DAAM1: variants seen among roughly 807,000 people sequenced by gnomAD.
DAAM1 encodes the protein dishevelled associated activator of morphogenesis 1.
Under a neutral mutation model 130.0 loss-of-function variants are expected in DAAM1, and 52 were observed. The observed-to-expected ratio is 0.40, with a 90% CI of 0.32 to 0.50. The LOEUF is 0.50. Among genes scored for constraint, DAAM1 ranks in the 20% least tolerant of loss-of-function variants. The pLI, the probability that DAAM1 is intolerant of heterozygous loss-of-function variation, is 0.61. For synonymous variants in DAAM1, 452 were observed against 444.5 expected (o/e 1.02, Z -0.21); for missense variants, 1,134 against 1,303.8 (o/e 0.87, Z 2.01).
intron 2 of DAAM1, chr14:59,265,660 G>C (rs1882401996): frequency 6.6e-6 from 1 of 152,242 alleles, no homozygotes; most frequent in South Asian, 2.1e-4. Flanking sequence ...GTTAATGACT[G>C]TCTCAGTCAT....
intron 1 of DAAM1, among the ~76,000 whole-genome samples, chr14:59,262,360 T>A (rs1026118904): frequency 4.6e-5 from 7 of 152,190 alleles, no homozygotes; most frequent in African/African-American, 1.7e-4. Flanking sequence ...CAGTATCAAC[T>A]GGAAATCTTT....
chr14:59,323,319 G>T (rs2139620128), intron 6 of DAAM1, 94 bp downstream of exon 6: 1 of 1,318,002 alleles, frequency 7.6e-7, no homozygotes, highest in East Asian at 2.5e-5. Flanking sequence ...TGTTACTTGA[G>T]ATGTCCTCTT....
intron 1 of DAAM1, among the ~76,000 whole-genome samples, chr14:59,201,378 C>T (rs1280550579): frequency 6.6e-6 from 1 of 151,994 alleles, no homozygotes; most frequent in East Asian, 1.9e-4. Context: ...ATCCCATTAA[C>T]TTGGGAGGCT....
chr14:59,259,273 CAGTT>C (rs1882056679), intron 1 of DAAM1, among the ~76,000 whole-genome samples: 1 of 152,162 alleles, frequency 6.6e-6, no homozygotes. Context: ...CCTCGATTTA[CAGTT>C]AACTGTTGGC....
chr14:59,347,285 T>C (rs1437236000), intron 16 of DAAM1, among the ~76,000 whole-genome samples: 3 of 149,430 alleles, frequency 2.0e-5, no homozygotes, highest in African/African-American at 7.3e-5. Context: ...TTCCAATCCC[T>C]TGCTTAAGGA....
At chr14:59,202,457 T>G (rs1265793643) in intron 1 of DAAM1, among the ~76,000 whole-genome samples, 2 of 152,260 alleles carry the variant, frequency 1.3e-5, no homozygotes, top group Non-Finnish European at 2.9e-5. Context: ...CTTGGCATTT[T>G]ATGGACTATC....
chr14:59,230,283 G>A (rs573339737), intron 1 of DAAM1, among the ~76,000 whole-genome samples: 59 of 150,298 alleles, frequency 3.9e-4, no homozygotes, highest in South Asian at 2.6e-3. Flanking sequence ...CACTGCAGCC[G>A]AGGGGGGTGA....
chr14:59,258,251 A>G (rs1405311236), intron 1 of DAAM1, among the ~76,000 whole-genome samples: 1 of 152,188 alleles, frequency 6.6e-6, no homozygotes, highest in Non-Finnish European at 1.5e-5. Context: ...TTTATGATGT[A>G]TGGGCTTCTC....
intron 17 of DAAM1, among the ~76,000 whole-genome samples, chr14:59,350,570 C>T (rs550717720): frequency 2.0e-5 from 3 of 152,096 alleles, no homozygotes; most frequent in Non-Finnish European, 2.9e-5. Context: ...AAGCCATCCA[C>T]GCTCACTTTC....
chr14:59,223,385 C>T (rs1313100569), intron 1 of DAAM1, among the ~76,000 whole-genome samples: 1 of 152,156 alleles, frequency 6.6e-6, no homozygotes, highest in Non-Finnish European at 1.5e-5. Context: ...AGGCCCAGCC[C>T]AAGAGCTGTC....
intron 1 of DAAM1, among the ~76,000 whole-genome samples, chr14:59,196,171 T>C (rs764977831): frequency 3.3e-5 from 5 of 152,210 alleles, no homozygotes; most frequent in Non-Finnish European, 7.3e-5. Context: ...GAATGACAGA[T>C]GCCATCAATG....
chr14:59,287,344 G>C (rs1428634682), intron 2 of DAAM1, among the ~76,000 whole-genome samples: 1 of 152,150 alleles, frequency 6.6e-6, no homozygotes, highest in African/African-American at 2.4e-5. Context: ...ATGGACAAAA[G>C]CTGGAAGCCT....
intron 1 of DAAM1, among the ~76,000 whole-genome samples, chr14:59,209,768 A>T (rs1021036074): frequency 6.6e-6 from 1 of 152,160 alleles, no homozygotes; most frequent in African/African-American, 2.4e-5. Flanking sequence ...CTTTATCAAG[A>T]TGTAACCCTG....
intron 2 of DAAM1, among the ~76,000 whole-genome samples, chr14:59,282,961 C>T (rs1197684395): frequency 6.6e-6 from 1 of 151,970 alleles, no homozygotes; most frequent in East Asian, 1.9e-4. Context: ...CATGAAATAC[C>T]TGCCCCTAAT....
At chr14:59,341,860 CT>C (rs1885862263) in intron 16 of DAAM1, among the ~76,000 whole-genome samples, 5 of 152,134 alleles carry the variant, frequency 3.3e-5, no homozygotes, top group Admixed American at 3.3e-4. Context: ...CTTTAAAACA[CT>C]TGGTGAAGGG....
intron 24 of DAAM1, 30 bp from the exon 25 acceptor site, chr14:59,368,620 C>T (rs1228793565): frequency 1.3e-6 from 2 of 1,597,126 alleles, no homozygotes; most frequent in East Asian, 2.3e-5. Flanking sequence ...TTTGACATGT[C>T]TCAAAGAGGT....
At chr14:59,289,784 A>ATATATATATATATACACATATATATAT in intron 2 of DAAM1, among the ~76,000 whole-genome samples, 2 of 128,704 alleles carry the variant, frequency 1.6e-5, no homozygotes, top group African/African-American at 5.7e-5. Flanking sequence ...ATATATATAT[A>ATATATATATATATACACATATATATAT]ATGGAATGCT....
chr14:59,289,644 A>G (rs1883627924), intron 2 of DAAM1, among the ~76,000 whole-genome samples: 1 of 151,832 alleles, frequency 6.6e-6, no homozygotes, highest in African/African-American at 2.4e-5. Flanking sequence ...TATACAAAGC[A>G]AAATAAATTG....
At chr14:59,188,814 G>A (rs1887633505) in intron 1 of DAAM1, 46 bp downstream of exon 1, 1 of 152,922 alleles carries the variant, frequency 6.5e-6, no homozygotes, top group South Asian at 2.1e-4. Context: ...TTCATTAAGT[G>A]GCACTGCTCA....
Sources: allele counts gnomAD v4.1 joint callset (sites outside exome capture counted in the v4.1 genomes callset), GRCh38; gene constraint gnomAD v4.1.1; transcripts MANE v1.5; gene names NCBI Gene and HGNC (gene_info 2026-07-23, HGNC 2026-07-21).